The following NEK7 variants were observed in gnomAD, a reference collection of about 807,000 sequenced individuals.
The protein encoded by NEK7 is NIMA related kinase 7, also known as serine/threonine-protein kinase Nek7.
In NEK7, 18 loss-of-function variants were observed where a neutral mutation model predicts 44.6. The ratio of observed to expected loss-of-function variants is 0.40; its 90% CI spans 0.28 to 0.60. NEK7 has a LOEUF of 0.60. Among genes scored for constraint, NEK7 ranks in the 20% least tolerant of loss-of-function variants. NEK7 has a pLI of 0.38. For missense variants in NEK7, 256 were observed against 366.5 expected, an observed-to-expected ratio of 0.70 and a Z score of 2.46; for synonymous variants, 130 against 121.1, an observed-to-expected ratio of 1.07 and a Z score of -0.48.
At chr1:198,170,568 A>G (rs886134403) in intron 1 of NEK7, among the ~76,000 whole-genome samples, 2 of 152,152 alleles carry the variant, frequency 1.3e-5, no homozygotes, top group Non-Finnish European at 1.5e-5. Flanking sequence ...TAAAGGTATG[A>G]CTATCTATTT....
chr1:198,311,845 T>C (rs1176794139), intron 9 of NEK7, among the ~76,000 whole-genome samples: 5 of 152,110 alleles, frequency 3.3e-5, no homozygotes, highest in Non-Finnish European at 7.4e-5. Context: ...TTTGCCAGTA[T>C]TTTATTGAGG....
At chr1:198,174,769 T>G (rs576036394) in intron 1 of NEK7, among the ~76,000 whole-genome samples, 1 of 152,008 alleles carries the variant, frequency 6.6e-6, no homozygotes, top group African/African-American at 2.4e-5. Flanking sequence ...GTTGTTTTTT[T>G]TGGGGGGGGA....
intron 5 of NEK7, among the ~76,000 whole-genome samples, chr1:198,272,443 T>C (rs757783415): frequency 7.2e-5 from 11 of 151,914 alleles, no homozygotes; most frequent in Non-Finnish European, 1.3e-4. Context: ...TAGATTTCAA[T>C]TGAGATACTT....
At chr1:198,315,594 G>A (rs1476734800) in intron 9 of NEK7, among the ~76,000 whole-genome samples, 1 of 152,190 alleles carries the variant, frequency 6.6e-6, no homozygotes, top group Non-Finnish European at 1.5e-5. Flanking sequence ...GCCGTCAGCT[G>A]GAAGACTATC....
chr1:198,213,635 T>C (rs1389415103), intron 1 of NEK7, among the ~76,000 whole-genome samples: 1 of 152,128 alleles, frequency 6.6e-6, no homozygotes, highest in African/African-American at 2.4e-5. Flanking sequence ...GAGGTGCCTG[T>C]CTGATCTCAA....
intron 8 of NEK7, among the ~76,000 whole-genome samples, chr1:198,293,892 T>C (rs1654632355): frequency 6.6e-6 from 1 of 151,920 alleles, no homozygotes; most frequent in African/African-American, 2.4e-5. Context: ...TCTGTGTATA[T>C]GAGAGAAGTC....
rs756423147 is a variant in NEK7, at chr1:198,309,270, G to T, written c.799-10142G>T. Among the ~76,000 whole-genome samples the T allele has an allele frequency of 5.9e-5, 9 of 152,044 alleles. No homozygotes were observed. In the South Asian group the frequency reaches 1.5e-3, roughly 25 times the overall value. ...GAGCAGCATAAACAAAGATATAGGG[G>T]CATGAAGCAGTTTGGCAAGCACAGA... is the stretch of plus-strand genomic sequence containing the variant. On this transcript the variant is annotated intron_variant, in intron 9 of 9. Coordinates refer to ENST00000367385, the MANE Select transcript of NEK7 (RefSeq NM_133494.3).
At chr1:198,228,547 A>C (rs935022832) in intron 1 of NEK7, among the ~76,000 whole-genome samples, 3 of 151,836 alleles carry the variant, frequency 2.0e-5, no homozygotes, top group Admixed American at 6.6e-5. Flanking sequence ...ATTTCATTGA[A>C]CAGTGGTTTG....
At chr1:198,271,996 A>G (rs577707303) in intron 5 of NEK7, among the ~76,000 whole-genome samples, 69 of 150,010 alleles carry the variant, frequency 4.6e-4, no homozygotes, top group South Asian at 1.3e-3. Flanking sequence ...CTATGTGTCT[A>G]TATCTGTATA....
chr1:198,192,073 C>T (rs1228777299), intron 1 of NEK7, among the ~76,000 whole-genome samples: 1 of 151,870 alleles, frequency 6.6e-6, no homozygotes, highest in East Asian at 1.9e-4. Context: ...TTCTGGCCTC[C>T]TTTTTTCATA....
At chr1:198,224,664 A>ATG (rs1666160316) in intron 1 of NEK7, among the ~76,000 whole-genome samples, 1 of 152,032 alleles carries the variant, frequency 6.6e-6, no homozygotes, top group Admixed American at 6.6e-5. Flanking sequence ...ATATATATAT[A>ATG]AAATGGGCTT....
At chr1:198,294,384 AAGTT>A (rs1168546680) in intron 8 of NEK7, among the ~76,000 whole-genome samples, 3 of 152,056 alleles carry the variant, frequency 2.0e-5, no homozygotes, top group Admixed American at 6.5e-5. Context: ...TAATGTTTAA[AAGTT>A]AGTCACTCTG....
At chr1:198,218,897 G>C (rs1458606880) in intron 1 of NEK7, among the ~76,000 whole-genome samples, 1 of 151,840 alleles carries the variant, frequency 6.6e-6, no homozygotes, top group Non-Finnish European at 1.5e-5. Flanking sequence ...TATTTAAAAA[G>C]TCAAAAAGCC....
rs145981911 is a variant in NEK7 at position 198,278,210 on chromosome 1, C to T, written c.481+141C>T. On this transcript the variant is annotated intron_variant, in intron 6 of 9. Coordinates refer to ENST00000367385, the MANE Select transcript of NEK7 (RefSeq NM_133494.3). ...TTATAATTATGCTAGAATGTTAAAC[C>T]TTTAAATAAAGCACTACTAGGTTTT... 865 of 539,206 alleles carry T rather than the reference C, an allele frequency of 1.6e-3. 19 individuals carry two copies. In the African/African-American group the frequency reaches 0.016, roughly 10 times the overall value. The allele number at this position is 539,206 out of a possible 1,614,324, so 33.4% of individuals were successfully genotyped here.
intron 9 of NEK7, among the ~76,000 whole-genome samples, chr1:198,300,375 A>G (rs551049724): frequency 6.6e-6 from 1 of 152,344 alleles, no homozygotes; most frequent in East Asian, 1.9e-4. Flanking sequence ...ACTCTTATCA[A>G]TGCAAGTTCT....
Position 198,253,185 on chromosome 1 carries a change from G to A in NEK7, c.198+5G>A. On this transcript the variant is annotated splice_donor_5th_base_variant and intron_variant, in intron 3 of 9. Transcript: ENST00000367385. ...GTAGCTTTAAAAAAAGTGCAGGTAA[G>A]ATGACTTTAATTATATAAATCAATG... 1 of 1,579,890 alleles carries A rather than the reference G, an allele frequency of 6.3e-7. No individual in the cohort carries two copies. The highest frequency in any genetic ancestry group is 8.6e-7 in the Non-Finnish European group (1 of 1,156,724).
chr1:198,191,899 A>C (rs1460660766), intron 1 of NEK7, among the ~76,000 whole-genome samples: 3 of 152,088 alleles, frequency 2.0e-5, no homozygotes, highest in Non-Finnish European at 4.4e-5. Context: ...TCTATACTTC[A>C]TCCACTTGCT....
At chr1:198,180,074 A>G (rs80172823) in intron 1 of NEK7, among the ~76,000 whole-genome samples, 3,878 of 152,192 alleles carry the variant, frequency 0.025, 162 homozygotes, top group African/African-American at 0.089. Flanking sequence ...ATAAGTGTAA[A>G]ATGTCAATAA....
intron 7 of NEK7, among the ~76,000 whole-genome samples, chr1:198,291,725 C>T (rs1465792806): frequency 3.9e-5 from 6 of 151,910 alleles, no homozygotes; most frequent in South Asian, 2.1e-4. Context: ...TTAGTAAAAA[C>T]GGATTCCGAT....
Sources: gnomAD v4.1 joint callset for allele counts (sites outside exome capture counted in the v4.1 genomes callset) on GRCh38, gnomAD v4.1.1 for gene constraint, MANE v1.5 for transcripts, NCBI Gene and HGNC (gene_info 2026-07-23, HGNC 2026-07-21) for gene names.